The following MLPH variants were observed in gnomAD, a reference collection of about 807,000 sequenced individuals.
MLPH encodes the protein melanophilin, also known as exophilin-3.
In MLPH, 51 loss-of-function variants were observed where a neutral mutation model predicts 72.1. The observed-to-expected ratio is 0.71, with a 90% CI of 0.56 to 0.89. The LOEUF is 0.89. MLPH is among the 40% of genes least tolerant of loss of function. The probability of loss-of-function intolerance (pLI) is 0.00; values close to 1 mark genes in which losing one functional copy is unlikely to be tolerated. For synonymous variants in MLPH, 301 were observed against 310.1 expected (o/e 0.97, Z 0.31); for missense variants, 743 against 759.9 (o/e 0.98, Z 0.26).
chr2:237,522,906 A>G (rs1221424922), intron 6 of MLPH, among the ~76,000 whole-genome samples: 2 of 152,218 alleles, frequency 1.3e-5, no homozygotes, highest in Non-Finnish European at 2.9e-5. Context: ...GGGCTGCTGT[A>G]TTAGCATCTG....
chr2:237,493,979 C>T (rs72988130), intron 2 of MLPH, among the ~76,000 whole-genome samples: 3,287 of 152,278 alleles, frequency 0.022, 44 homozygotes, highest in Non-Finnish European at 0.034. Context: ...GACCCCAGCA[C>T]GGTTTTGTTC....
rs191754953 is a variant in MLPH, at chr2:237,505,668, C to A, written c.111-4906C>A. On this transcript the variant is annotated intron_variant, in intron 2 of 15. Coordinates refer to ENST00000264605, the MANE Select transcript of MLPH (RefSeq NM_024101.7). This position sits in a 1 kb window ranked among gnomAD's most constrained non-coding sequence, Gnocchi z 4.5. ...GCACAGGTCTGACCCCTTCACCCTG[C>A]GTGGCTCACCAATCCTGTCCAGACC... is the stretch of plus-strand genomic sequence containing the variant. 6.6e-6 allele frequency among the ~76,000 whole-genome samples: 1 copy of A among 152,208 alleles called. No homozygotes were observed. Among genetic ancestry groups the A allele is most frequent in the Non-Finnish European group, 1.5e-5 (1 of 68,030 alleles).
chr2:237,487,221 G>T (rs1044513533), upstream of MLPH: 1 of 152,262 alleles, frequency 6.6e-6, no homozygotes, highest in Non-Finnish European at 1.5e-5. Flanking sequence ...CAGCCCACGT[G>T]GTTCGGGCGG....
intron 2 of MLPH, among the ~76,000 whole-genome samples, chr2:237,503,026 G>A (rs2079684238): frequency 6.6e-6 from 1 of 152,134 alleles, no homozygotes; most frequent in Non-Finnish European, 1.5e-5. Context: ...GGCTGAGGCA[G>A]GAGAATCGCT....
At chr2:237,500,607 G>T (rs13424891) in intron 2 of MLPH, among the ~76,000 whole-genome samples, 1 of 152,048 alleles carries the variant, frequency 6.6e-6, no homozygotes, top group Non-Finnish European at 1.5e-5. Flanking sequence ...GCAAAGGCTT[G>T]CACGACACTG....
rs2079471677 is a variant in MLPH, at chr2:237,493,545, G to C, written c.110+9G>C. 1 of 1,607,206 alleles carries C rather than the reference G, an allele frequency of 6.2e-7. No individual in the cohort carries two copies. Among genetic ancestry groups the C allele is most frequent in the African/African-American group, 1.3e-5 (1 of 74,890 alleles). On this transcript the variant is annotated intron_variant, in intron 2 of 15. Transcript: ENST00000264605. ...GAAGAGGAACGGCTAGAGTGAGTGT[G>C]CCGTGCTGAGCCCACGGAGCCCGGG...
rs769398939 is a variant in MLPH, at chr2:237,540,881, C to T, written c.1370C>T (p.Thr457Ile). ...GGGGACCCCGTCCAGTACAACAGGA[C>T]CACAGATGAGGAGCTGTCAGAGCTG... ...DPGDPVQYNR[T>I]TDEELSELED... The change falls in exon 11 of 16, where the codon ACC (threonine) becomes ATC (isoleucine). Residue 457 changes from threonine (T) to isoleucine (I), a missense_variant. By Grantham distance (89) the Thr-to-Ile change is moderately conservative. Coordinates refer to ENST00000264605, the MANE Select transcript of MLPH (RefSeq NM_024101.7). 6 of 1,613,202 alleles carry T rather than the reference C, an allele frequency of 3.7e-6. No individual in the cohort carries two copies. In the South Asian group the frequency reaches 5.5e-5, roughly 15 times the overall value.
chr2:237,496,172 G>A (rs183984523), intron 2 of MLPH, among the ~76,000 whole-genome samples: 8 of 152,316 alleles, frequency 5.3e-5, no homozygotes, highest in Admixed American at 5.2e-4. Flanking sequence ...CCTGGCTATT[G>A]TCAGCCCTTA....
rs1030806445 is a variant in MLPH at position 237,493,439 on chromosome 2, C to G, written c.13C>G (p.Leu5Val). 2 of 1,613,928 alleles carry G rather than the reference C, an allele frequency of 1.2e-6. No homozygotes were observed. Among genetic ancestry groups the G allele is most frequent in the Non-Finnish European group, 1.7e-6 (2 of 1,179,854 alleles). ...ACAAGAAGCAGAAATGGGGAAGAAA[C>G]TGGATCTTTCCAAGCTCACTGATGA... is the stretch of plus-strand genomic sequence containing the variant. MGKK[L>V]DLSKLTDEEA... Residue 5 changes from leucine (L) to valine (V), a missense_variant, in exon 2 of 16, where the codon CTG becomes GTG. Transcript: ENST00000264605.
intron 9 of MLPH, among the ~76,000 whole-genome samples, chr2:237,535,446 G>T (rs1431903798): frequency 6.6e-6 from 1 of 151,930 alleles, no homozygotes; most frequent in African/African-American, 2.4e-5. Context: ...CAACCTGATG[G>T]GGAGTAAATA....
chr2:237,551,553 C>A (rs1315151077), intron 14 of MLPH, among the ~76,000 whole-genome samples: 1 of 152,216 alleles, frequency 6.6e-6, no homozygotes, highest in East Asian at 1.9e-4. Context: ...CTGCACCAGC[C>A]ACCTGGACAC....
rs555676113 is a variant in MLPH at position 237,528,463 on chromosome 2, T to C, written c.1020+947T>C. Among the ~76,000 whole-genome samples the C allele has an allele frequency of 4.6e-5, 7 of 151,800 alleles. No individual in the cohort carries two copies. The East Asian group carries it at 5.8e-4, about 13-fold the overall frequency. On this transcript the variant is annotated intron_variant, in intron 8 of 15. Coordinates refer to ENST00000264605, the MANE Select transcript of MLPH (RefSeq NM_024101.7). ...CCTCCCGGGTTCAAGTGATTCTCCC[T>C]CCTCAGCCTCCTGAGTAGCTGGGAA...
chr2:237,503,284 G>T (rs997616680), intron 2 of MLPH, among the ~76,000 whole-genome samples: 1 of 152,154 alleles, frequency 6.6e-6, no homozygotes, highest in East Asian at 1.9e-4. Context: ...GCCTGGAGGG[G>T]AACATTGGTC....
chr2:237,506,011 C>G (rs1220925412), intron 2 of MLPH, among the ~76,000 whole-genome samples: 2 of 152,222 alleles, frequency 1.3e-5, no homozygotes, highest in African/African-American at 4.8e-5. Flanking sequence ...CATCTCCCCA[C>G]TGTCTCCCAT....
chr2:237,499,642 C>T lies in MLPH; in HGVS notation c.110+6106C>T, dbSNP rs184268621. ...GATTTAACAATAGGTTGCTCAGCAC[C>T]CAATGAAAATAATGATAGAAATAAA... On this transcript the variant is annotated intron_variant, in intron 2 of 15. Transcript: ENST00000264605. Among the ~76,000 whole-genome samples, 35 of 152,126 alleles carry T rather than the reference C, an allele frequency of 2.3e-4. No homozygotes were observed. The East Asian group carries it at 4.1e-3, about 18-fold the overall frequency.
At chr2:237,502,384 G>A (rs915560961) in intron 2 of MLPH, among the ~76,000 whole-genome samples, 1 of 152,168 alleles carries the variant, frequency 6.6e-6, no homozygotes, top group Non-Finnish European at 1.5e-5. Flanking sequence ...TGGACCCAAG[G>A]GACCTGGGGC....
intron 4 of MLPH, chr2:237,518,158 A>G: frequency 2.8e-6 from 1 of 360,452 alleles, no homozygotes; most frequent in Non-Finnish European, 5.4e-6. Context: ...GTAGGTGAAT[A>G]CATGGATGGA....
In MLPH at chr2:237,510,364, C is replaced by A. The variant is rs2079863826; in HGVS notation, c.111-210C>A. ...ACGTGTTTCCATTCCATTCCAGCCA[C>A]CAAAATTGCCCGTTTGAGCTCAGCC... On this transcript the variant is annotated intron_variant, in intron 2 of 15. Coordinates refer to ENST00000264605, the MANE Select transcript of MLPH (RefSeq NM_024101.7). This position sits in a 1 kb window ranked among gnomAD's most constrained non-coding sequence, Gnocchi z 4.4. The A allele has an allele frequency of 1.6e-6, 1 of 630,216 alleles. No individual in the cohort carries two copies. Among genetic ancestry groups the A allele is most frequent in the Non-Finnish European group, 2.9e-6 (1 of 346,224 alleles). The allele number at this position is 630,216 out of a possible 1,614,324, so 39.0% of individuals were successfully genotyped here.
At chr2:237,524,443 G>A (rs745517535) in intron 6 of MLPH, among the ~76,000 whole-genome samples, 77 of 151,988 alleles carry the variant, frequency 5.1e-4, no homozygotes, top group Non-Finnish European at 9.3e-4. Context: ...TCCGATGTTC[G>A]AGGGCAGGAA....
Sources: gnomAD v4.1 joint callset for allele counts (sites outside exome capture counted in the v4.1 genomes callset) on GRCh38, gnomAD v4.1.1 for gene constraint, Gnocchi (gnomAD v3.1) non-coding constraint, MANE v1.5 for transcripts, NCBI Gene and HGNC (gene_info 2026-07-23, HGNC 2026-07-21) for gene names.